The following MINAR1 variants were observed in gnomAD, a reference collection of about 807,000 sequenced individuals.
MINAR1 encodes major intrinsically disordered Notch2-binding receptor 1.
MINAR1 carries 40 observed loss-of-function variants against 65.1 expected under a neutral mutation model. That is an observed-to-expected ratio of 0.61 (90% CI 0.48 to 0.80). The LOEUF (loss-of-function observed/expected upper bound fraction) is 0.80, where lower values mean the gene tolerates loss of function less well. Among genes scored for constraint, MINAR1 ranks in the 30% least tolerant of loss-of-function variants. MINAR1 has a pLI of 0.00. For missense variants in MINAR1, 1,128 were observed against 1,148.0 expected (o/e 0.98, Z 0.25); for synonymous variants, 482 against 449.1 (o/e 1.07, Z -0.93).
At chr15:79,436,140 G>T (rs142218876) in intron 1 of MINAR1, among the ~76,000 whole-genome samples, 5 of 152,234 alleles carry the variant, frequency 3.3e-5, no homozygotes, top group Non-Finnish European at 5.9e-5. Flanking sequence ...TCTTGCTGAC[G>T]CATAATGGAC....
chr15:79,449,170 C>G (rs985088191), intron 1 of MINAR1, among the ~76,000 whole-genome samples: 1 of 152,102 alleles, frequency 6.6e-6, no homozygotes, highest in African/African-American at 2.4e-5. Context: ...TCGCTGTATA[C>G]GGGTAGGAGG....
upstream of MINAR1, among the ~76,000 whole-genome samples, chr15:79,431,678 AAG>A (rs2141271654): frequency 6.6e-6 from 1 of 152,302 alleles, no homozygotes; most frequent in African/African-American, 2.4e-5. Context: ...GCTCCCTGGG[AAG>A]AGGAGAGCCG....
At chr15:79,437,015 A>G (rs1429893864) in intron 1 of MINAR1, among the ~76,000 whole-genome samples, 1 of 152,160 alleles carries the variant, frequency 6.6e-6, no homozygotes, top group Non-Finnish European at 1.5e-5. Context: ...ATCCCTCTTC[A>G]ATAACACTGG....
the MINAR1 span, chr15:79,411,544 A>G: frequency 1.4e-6 from 1 of 699,984 alleles, no homozygotes. Flanking sequence ...GGATGGAGGG[A>G]AGACACAGAA....
intron 1 of MINAR1, among the ~76,000 whole-genome samples, chr15:79,446,027 ACTTTG>A (rs1779799924): frequency 6.6e-6 from 1 of 152,090 alleles, no homozygotes; most frequent in South Asian, 2.1e-4. Flanking sequence ...AATTAGTTAT[ACTTTG>A]CTTCTTTATT....
intron 3 of MINAR1, 22 bp downstream of exon 3, chr15:79,463,343 G>T (rs201557642): frequency 4.7e-5 from 76 of 1,607,408 alleles, no homozygotes; most frequent in Non-Finnish European, 6.2e-5. Flanking sequence ...ACTGTCCCTG[G>T]GTGGGGGAAG....
the MINAR1 span, chr15:79,417,787 A>C: frequency 6.6e-6 from 1 of 152,262 alleles, no homozygotes; most frequent in African/African-American, 2.4e-5. Context: ...AAGAGGCCTG[A>C]CCATCAGGCT....
chr15:79,454,780 G>A (rs1178627213), intron 1 of MINAR1, among the ~76,000 whole-genome samples: 5 of 152,168 alleles, frequency 3.3e-5, no homozygotes, highest in Non-Finnish European at 1.5e-5. Context: ...ACAGAAAAGG[G>A]CATGAGGAAA....
the MINAR1 span, chr15:79,411,962 C>G: frequency 1.3e-5 from 2 of 158,188 alleles, no homozygotes; most frequent in Non-Finnish European, 2.8e-5. Flanking sequence ...CTGAGCACCC[C>G]TTGGTTTTCT....
chr15:79,457,395 GCCAAA>G lies in MINAR1; in HGVS notation c.1249_1253del (p.Pro417GlyfsTer20). On this transcript the variant is annotated frameshift_variant, in exon 2 of 4. Transcript: ENST00000305428. LOFTEE classifies it high-confidence loss of function. ...CAGAAAGGCGCCCAACTTACCTTGT[GCCAAA>G]GGATCAACAGCCAATTCTCCCCATT... 6.2e-7 allele frequency: 1 copy of G among 1,614,180 alleles called. No homozygotes were observed. The highest frequency in any genetic ancestry group is 8.5e-7 in the Non-Finnish European group (1 of 1,180,026).
At chr15:79,466,861 T>G (rs970839983) in intron 3 of MINAR1, among the ~76,000 whole-genome samples, 1 of 152,204 alleles carries the variant, frequency 6.6e-6, no homozygotes, top group African/African-American at 2.4e-5. Flanking sequence ...GGGCTGTTTC[T>G]GAAACCCACT....
intron 1 of MINAR1, among the ~76,000 whole-genome samples, chr15:79,450,060 ACAGT>A (rs1412363933): frequency 6.6e-6 from 1 of 152,144 alleles, no homozygotes; most frequent in Non-Finnish European, 1.5e-5. Flanking sequence ...CTGGCACTTG[ACAGT>A]CAGAACTGGC....
intron 1 of MINAR1, among the ~76,000 whole-genome samples, chr15:79,445,814 C>T (rs749602007): frequency 1.2e-4 from 18 of 152,194 alleles, no homozygotes; most frequent in Non-Finnish European, 2.4e-4. Context: ...TCCCAAAGTG[C>T]TGGGATTACA....
At chr15:79,441,820 T>C (rs1894877614) in intron 1 of MINAR1, among the ~76,000 whole-genome samples, 1 of 151,714 alleles carries the variant, frequency 6.6e-6, no homozygotes, top group Admixed American at 6.5e-5. Flanking sequence ...TTAGTACTTT[T>C]CCACTTAGAA....
chr15:79,440,672 C>G (rs1205090168), intron 1 of MINAR1, among the ~76,000 whole-genome samples: 1 of 152,156 alleles, frequency 6.6e-6, no homozygotes, highest in East Asian at 1.9e-4. Flanking sequence ...CCGCTCCTCC[C>G]CACCACCCAG....
chr15:79,428,899 A>G (rs1894379580), upstream of MINAR1, among the ~76,000 whole-genome samples: 1 of 151,930 alleles, frequency 6.6e-6, no homozygotes, highest in African/African-American at 2.4e-5. Flanking sequence ...GAGAATTCTG[A>G]TTTTGCCCAC....
Position 79,457,581 on chromosome 15 carries a change from T to C in MINAR1, c.1434T>C (p.Thr478=), listed in dbSNP as rs1210942719. The C allele has an allele frequency of 3.7e-6, 6 of 1,614,064 alleles. No homozygotes were observed. In the African/African-American group the frequency reaches 6.7e-5, roughly 18 times the overall value. Residue 478 remains threonine (T), a synonymous_variant, in exon 2 of 4, where the codon ACT becomes ACC. Transcript: ENST00000305428. ...SSDTSSVGTQ[T]EHVLEPKKCR... ...ACACCAGTAGCGTGGGCACCCAGAC[T>C]GAGCACGTGCTGGAGCCCAAGAAAT...
rs1247788913 is a variant in MINAR1, at chr15:79,456,692, G to A, written c.545G>A (p.Ser182Asn). Reference sequence around the variant, plus strand: ...GAGCCTAACTTCCTGTTGGGAGTTAGCAAAGAGGTGAAAAACCGCGCCGCT... The same window carrying A: ...GAGCCTAACTTCCTGTTGGGAGTTAACAAAGAGGTGAAAAACCGCGCCGCT... ...ASEPNFLLGV[S>N]KEVKNRAASL... The change falls in exon 2 of 4, where the codon AGC becomes AAC. Residue 182 changes from serine to asparagine, a missense_variant. Ser to Asn is a conservative substitution (Grantham distance 46). Transcript: ENST00000305428. The A allele has an allele frequency of 8.7e-6, 14 of 1,614,180 alleles. No individual in the cohort carries two copies. Among genetic ancestry groups the A allele is most frequent in the South Asian group, 5.5e-5 (5 of 91,082 alleles).
chr15:79,457,670 A>G lies in MINAR1; in HGVS notation c.1523A>G (p.Asp508Gly), dbSNP rs1895482878. Residue 508 changes from aspartate to glycine, a missense_variant, in exon 2 of 4, where the codon GAC becomes GGC. Physicochemically the swap from Asp to Gly is moderately conservative, Grantham distance 94. Coordinates refer to ENST00000305428, the MANE Select transcript of MINAR1 (RefSeq NM_015206.3). ...GACAGGCACACCATGAAGCACTCAGACGATGACTCAGAAATTGTCAGCGAC... is the reference window on the plus strand; with the variant it reads ...GACAGGCACACCATGAAGCACTCAGGCGATGACTCAGAAATTGTCAGCGAC... ...YSDRHTMKHS[D>G]DDSEIVSDDI... The G allele has an allele frequency of 6.2e-7, 1 of 1,614,188 alleles. No homozygotes were observed. The highest frequency in any genetic ancestry group is 1.7e-5 in the Admixed American group (1 of 60,030).
Sources: allele counts gnomAD v4.1 joint callset (sites outside exome capture counted in the v4.1 genomes callset), GRCh38; gene constraint gnomAD v4.1.1; transcripts MANE v1.5; gene names NCBI Gene and HGNC (gene_info 2026-07-23, HGNC 2026-07-21).